Variants in PCDHGA2 observed in about 807,000 individuals in gnomAD.
The protein encoded by PCDHGA2 is protocadherin gamma subfamily A, 2.
PCDHGA2 carries 40 observed loss-of-function variants against 59.2 expected under a neutral mutation model. The ratio of observed to expected loss-of-function variants is 0.68; its 90% CI spans 0.52 to 0.88. The LOEUF is 0.88. PCDHGA2 is among the 40% of genes least tolerant of loss of function. PCDHGA2 has a pLI of 0.00. For missense variants in PCDHGA2, 1,226 were observed against 1,204.0 expected, an observed-to-expected ratio of 1.02 and a Z score of -0.27; for synonymous variants, 560 against 526.0, an observed-to-expected ratio of 1.06 and a Z score of -0.89.
Position 141,339,984 on chromosome 5 carries a change from T to G in PCDHGA2, c.1013T>G (p.Leu338Arg), listed in dbSNP as rs780150881. Reference sequence around the variant, plus strand: ...AGAGCGAAGGTTATCGTCACGGTTCTGGATGTGAATGACAATGCCCCAGAA... The same window carrying G: ...AGAGCGAAGGTTATCGTCACGGTTCGGGATGTGAATGACAATGCCCCAGAA... ...LTRAKVIVTV[L>R]DVNDNAPEFY... The change falls in exon 1 of 4, where the codon CTG becomes CGG. Residue 338 changes from leucine (L) to arginine (R), a missense_variant. Coordinates refer to ENST00000394576, the MANE Select transcript of PCDHGA2 (RefSeq NM_018915.4). The G allele has an allele frequency of 6.2e-7, 1 of 1,614,088 alleles. No individual in the cohort carries two copies. The highest frequency in any genetic ancestry group is 8.5e-7 in the Non-Finnish European group (1 of 1,180,036).
intron 1 of PCDHGA2, among the ~76,000 whole-genome samples, chr5:141,456,911 C>T (rs1262649726): frequency 2.0e-5 from 3 of 151,928 alleles, no homozygotes; most frequent in Non-Finnish European, 4.4e-5. Flanking sequence ...TGCAGTGAGC[C>T]GAGATCGCAC....
At position 141,402,836 on chromosome 5, in the gene PCDHGA2, A is replaced by G. The variant is rs115293033; in HGVS notation, c.2424+61441A>G. 4.8e-4 allele frequency: 668 copies of G among 1,379,778 alleles called. 2 individuals are homozygous for G. The African/African-American group carries it at 8.5e-3, about 18-fold the overall frequency. 85.5% of individuals were successfully genotyped at this position (1,379,778 alleles called of 1,614,324 possible). On this transcript the variant is annotated intron_variant, in intron 1 of 3. Coordinates refer to ENST00000394576, the MANE Select transcript of PCDHGA2 (RefSeq NM_018915.4). ...ACAAACCTGCTCCCAGGCTGCAGCA[A>G]AACTCAGCCTCTTTCTTCTAAGGAA...
At chr5:141,356,760 C>T in intron 1 of PCDHGA2, 3 of 1,613,850 alleles carry the variant, frequency 1.9e-6, no homozygotes, top group Non-Finnish European at 2.5e-6. Flanking sequence ...TTTGCTCCTT[C>T]GACTATGAGC....
intron 1 of PCDHGA2, chr5:141,409,824 C>A (rs1265260597): frequency 6.2e-7 from 1 of 1,610,742 alleles, no homozygotes; most frequent in Non-Finnish European, 8.5e-7. Flanking sequence ...GGCTCGCCCA[C>A]GCTCAGCGCC....
chr5:141,374,118 AGCAGGTCCT>A lies in PCDHGA2; in HGVS notation c.2424+32726_2424+32734del, dbSNP rs761650555. On this transcript the variant is annotated intron_variant, in intron 1 of 3. Coordinates refer to ENST00000394576, the MANE Select transcript of PCDHGA2 (RefSeq NM_018915.4). ...CCGCAGAGGCATCCGCAGCGCAGCG[AGCAGGTCCT>A]GCTCCTCACGCTCCTGGGGACGCTG... 3.3e-5 allele frequency: 52 copies of A among 1,589,674 alleles called. 1 individual carries two copies. In the South Asian group the frequency reaches 5.5e-4, roughly 17 times the overall value.
chr5:141,373,925 G>A, intron 1 of PCDHGA2: 1 of 660,678 alleles, frequency 1.5e-6, no homozygotes, highest in Non-Finnish European at 2.3e-6. Context: ...CAAATTAGAC[G>A]GGAAAGCAGG....
Position 141,417,943 on chromosome 5 carries a change from G to C in PCDHGA2, c.2424+76548G>C, listed in dbSNP as rs772925118. ...TGCTGCTGCCTTTGTTCTACCCCAC[G>C]CTGTGTGAGCCGATCCGCTACTCGA... is the stretch of plus-strand genomic sequence containing the variant. On this transcript the variant is annotated intron_variant, in intron 1 of 3. Coordinates refer to ENST00000394576, the MANE Select transcript of PCDHGA2 (RefSeq NM_018915.4). The C allele has an allele frequency of 4.1e-5, 66 of 1,613,160 alleles. 1 individual carries two copies. The highest frequency in any genetic ancestry group is 1.8e-4 in the East Asian group (8 of 44,850).
intron 1 of PCDHGA2, chr5:141,360,361 A>G (rs778766026): frequency 6.2e-7 from 1 of 1,613,910 alleles, no homozygotes; most frequent in Non-Finnish European, 8.5e-7. Flanking sequence ...GGAATATTTC[A>G]CAGTAAACCC....
intron 1 of PCDHGA2, chr5:141,421,731 C>G (rs73792198): frequency 6.2e-7 from 1 of 1,613,742 alleles, no homozygotes; most frequent in Non-Finnish European, 8.5e-7. Flanking sequence ...TGAACTCCCT[C>G]CAGAGCTACC....
At chr5:141,474,772 G>T (rs1053853138) in intron 1 of PCDHGA2, among the ~76,000 whole-genome samples, 1 of 152,182 alleles carries the variant, frequency 6.6e-6, no homozygotes, top group Non-Finnish European at 1.5e-5. Context: ...AATAGTATGA[G>T]GCTCTAACAC....
In PCDHGA2 at chr5:141,356,455, A is replaced by G; in HGVS notation, c.2424+15060A>G. 2 of 1,613,402 alleles carry G rather than the reference A, an allele frequency of 1.2e-6. No homozygotes were observed. Among genetic ancestry groups the G allele is most frequent in the Non-Finnish European group, 1.7e-6 (2 of 1,179,560 alleles). Reference sequence around the variant, plus strand: ...GGACAGGGAAGAAGTCTCAGAATATAACATCACTGTAACTGCCACTGACCA... The same window carrying G: ...GGACAGGGAAGAAGTCTCAGAATATGACATCACTGTAACTGCCACTGACCA... On this transcript the variant is annotated intron_variant, in intron 1 of 3. Transcript: ENST00000394576.
chr5:141,423,746 T>G, intron 1 of PCDHGA2: 2 of 384,794 alleles, frequency 5.2e-6, no homozygotes, highest in Non-Finnish European at 6.6e-6. Flanking sequence ...TTATGAAAAC[T>G]GTTTGGGGGG....
chr5:141,399,173 T>C, intron 1 of PCDHGA2: 1 of 1,613,830 alleles, frequency 6.2e-7, no homozygotes, highest in East Asian at 2.2e-5. Context: ...CATTCTCTAC[T>C]TGAAATGATT....
intron 1 of PCDHGA2, chr5:141,430,857 A>G: frequency 1.3e-6 from 2 of 1,591,432 alleles, no homozygotes; most frequent in Non-Finnish European, 1.7e-6. Flanking sequence ...CAGATACGCT[A>G]TTCAGTTCCG....
Position 141,485,631 on chromosome 5 carries a change from C to T in PCDHGA2, c.2425-9176C>T. 6.2e-7 allele frequency: 1 copy of T among 1,611,764 alleles called. No homozygotes were observed. The highest frequency in any genetic ancestry group is 8.5e-7 in the Non-Finnish European group (1 of 1,178,360). Reference sequence around the variant, plus strand: ...GCAGCTCCTCCAGGACAGCGTTTCCCGTTGGAAAAGGCTCAGGATGCAGAT... The same window carrying T: ...GCAGCTCCTCCAGGACAGCGTTTCCTGTTGGAAAAGGCTCAGGATGCAGAT... On this transcript the variant is annotated intron_variant, in intron 1 of 3. Coordinates refer to ENST00000394576, the MANE Select transcript of PCDHGA2 (RefSeq NM_018915.4). The surrounding 1 kb of genome is among the most constrained non-coding windows in gnomAD (Gnocchi z 5.7).
chr5:141,428,063 C>T lies in PCDHGA2; in HGVS notation c.2425-66744C>T, dbSNP rs777477669. 12 of 1,609,054 alleles carry T rather than the reference C, an allele frequency of 7.5e-6. No individual in the cohort carries two copies. In the African/African-American group the frequency reaches 1.3e-4, roughly 18 times the overall value. ...TGGTGACCAAGGTGGTGGCGGTGGA[C>T]GCAGATTCGGGACACAACGCTTGGC... On this transcript the variant is annotated intron_variant, in intron 1 of 3. Coordinates refer to ENST00000394576, the MANE Select transcript of PCDHGA2 (RefSeq NM_018915.4).
chr5:141,505,679 G>A (rs1350871637), intron 3 of PCDHGA2, among the ~76,000 whole-genome samples, 198 bp downstream of exon 3: 24 of 152,172 alleles, frequency 1.6e-4, no homozygotes, highest in Non-Finnish European at 3.5e-4. Flanking sequence ...TGGGGGTCCT[G>A]GGATGCCTGG....
intron 1 of PCDHGA2, chr5:141,372,351 C>A: frequency 6.2e-7 from 1 of 1,613,872 alleles, no homozygotes; most frequent in Non-Finnish European, 8.5e-7. Context: ...AGGACAGCAG[C>A]CTCTTTCAGC....
Position 141,433,359 on chromosome 5 carries a change from CTAT to C in PCDHGA2, c.2425-61447_2425-61445del, listed in dbSNP as rs2097588942. 4 of 228,708 alleles carry C rather than the reference CTAT, an allele frequency of 1.7e-5. No homozygotes were observed. In the African/African-American group the frequency reaches 3.4e-4, roughly 19 times the overall value. The allele number at this position is 228,708 out of a possible 1,614,324, so 14.2% of individuals were successfully genotyped here. ...CAGGTGCAAGCCACCTACTGTCTGC[CTAT>C]CTATCTATCTATCTATCTATCTATC... On this transcript the variant is annotated intron_variant, in intron 1 of 3. Coordinates refer to ENST00000394576, the MANE Select transcript of PCDHGA2 (RefSeq NM_018915.4).
Sources: allele counts gnomAD v4.1 joint callset (sites outside exome capture counted in the v4.1 genomes callset), GRCh38; gene constraint gnomAD v4.1.1; non-coding constraint Gnocchi (gnomAD v3.1); transcripts MANE v1.5; gene names NCBI Gene and HGNC (gene_info 2026-07-23, HGNC 2026-07-21).